NAP1L4: variants seen among roughly 807,000 people sequenced by gnomAD.
NAP1L4 encodes nucleosome assembly protein 1-like 4.
Under a neutral mutation model 58.2 loss-of-function variants are expected in NAP1L4, and 15 were observed. The observed-to-expected ratio is 0.26, with a 90% CI of 0.17 to 0.40. NAP1L4 has a LOEUF of 0.40. Ranked by LOEUF, NAP1L4 falls within the 10% of genes least tolerant of loss-of-function variation. NAP1L4 has a pLI of 1.00. For synonymous variants in NAP1L4, 171 were observed against 155.6 expected, an observed-to-expected ratio of 1.10 and a Z score of -0.74; for missense variants, 384 against 451.1, an observed-to-expected ratio of 0.85 and a Z score of 1.35.
chr11:2,966,442 T>C (rs1205441275), intron 7 of NAP1L4, among the ~76,000 whole-genome samples: 1 of 152,180 alleles, frequency 6.6e-6, no homozygotes, highest in Non-Finnish European at 1.5e-5. Context: ...TATCCTCCCC[T>C]CTCTCTCCCT....
At chr11:2,976,394 T>C (rs1269498347) in intron 3 of NAP1L4, among the ~76,000 whole-genome samples, 4 of 152,226 alleles carry the variant, frequency 2.6e-5, no homozygotes, top group Non-Finnish European at 5.9e-5. Context: ...GGACTGTGGC[T>C]GTTTAAGCAC....
In NAP1L4 at chr11:2,970,662, G is replaced by A. The variant is rs577511012; in HGVS notation, c.403-728C>T. 2.2e-3 allele frequency among the ~76,000 whole-genome samples: 330 copies of A among 152,192 alleles called. 1 individual carries two copies. The highest frequency in any genetic ancestry group is 7.5e-3 in the African/African-American group (311 of 41,510). ...GGAAATTCTGAATGCCTTGCCAAAC[G>A]GGATTGTTATGATGAAATGATCTTG... On this transcript the variant is annotated intron_variant, in intron 6 of 15. Transcript: ENST00000380542.
In NAP1L4 at chr11:2,949,283, T is replaced by G; in HGVS notation, c.1123-19A>C. Reference sequence around the variant, plus strand: ...ATTACACCTAAATGGGGAAAAAAATTGAAAGGAACTGTCAGCATGAAAGAA... The same window carrying G: ...ATTACACCTAAATGGGGAAAAAAATGGAAAGGAACTGTCAGCATGAAAGAA... On this transcript the variant is annotated intron_variant, in intron 14 of 15. Transcript: ENST00000380542. This position sits in a 1 kb window ranked among gnomAD's most constrained non-coding sequence, Gnocchi z 4.0. 3 of 1,579,304 alleles carry G rather than the reference T, an allele frequency of 1.9e-6. No homozygotes were observed. Among genetic ancestry groups the G allele is most frequent in the Non-Finnish European group, 2.6e-6 (3 of 1,148,500 alleles).
chr11:2,967,298 G>C (rs909145331), intron 7 of NAP1L4, among the ~76,000 whole-genome samples: 1 of 152,118 alleles, frequency 6.6e-6, no homozygotes, highest in Non-Finnish European at 1.5e-5. Context: ...AGAAATGGCA[G>C]ACTTCAAAAC....
rs547756414 is a variant in NAP1L4, at chr11:2,975,785, T to C, written c.173+239A>G. Among the ~76,000 whole-genome samples the C allele has an allele frequency of 1.1e-4, 17 of 152,210 alleles. 1 individual carries two copies. The South Asian group carries it at 3.5e-3, about 32-fold the overall frequency. On this transcript the variant is annotated intron_variant, in intron 4 of 15. Transcript: ENST00000380542. Reference sequence around the variant, plus strand: ...TGAAGTCCTCTAGCCCTCCACAGGATGGCACTGTGCACTTCCTATCAGAAC... The same window carrying C: ...TGAAGTCCTCTAGCCCTCCACAGGACGGCACTGTGCACTTCCTATCAGAAC...
chr11:2,988,833 T>G (rs909847115), intron 1 of NAP1L4, among the ~76,000 whole-genome samples: 1 of 152,188 alleles, frequency 6.6e-6, no homozygotes, highest in African/African-American at 2.4e-5. Flanking sequence ...GATCACAAAG[T>G]GATCTTTCGT....
At position 2,959,741 on chromosome 11, in the gene NAP1L4, A is replaced by G. The variant is rs767771729; in HGVS notation, c.746+29T>C. ...AAATTATCTTTTGATTTTGTTTCAGAAAAACAAGGTAGAATGACATTTTCT... is the reference window on the plus strand; with the variant it reads ...AAATTATCTTTTGATTTTGTTTCAGGAAAACAAGGTAGAATGACATTTTCT... On this transcript the variant is annotated intron_variant, in intron 9 of 15. Transcript: ENST00000380542. The surrounding 1 kb of genome is among the most constrained non-coding windows in gnomAD (Gnocchi z 4.9). The G allele has an allele frequency of 2.5e-6, 4 of 1,606,742 alleles. No homozygotes were observed. Among genetic ancestry groups the G allele is most frequent in the Non-Finnish European group, 3.4e-6 (4 of 1,177,044 alleles).
intron 4 of NAP1L4, among the ~76,000 whole-genome samples, chr11:2,974,012 C>T (rs1847803124): frequency 6.6e-6 from 1 of 152,206 alleles, no homozygotes; most frequent in Admixed American, 6.5e-5. Context: ...AAGCAATCTG[C>T]CTGCCTCGGC....
chr11:2,962,545 G>A (rs79560715), intron 8 of NAP1L4, among the ~76,000 whole-genome samples: 2,396 of 152,208 alleles, frequency 0.016, 69 homozygotes, highest in African/African-American at 0.055. Context: ...ATTTTACAAA[G>A]GAAAAAGAGT....
At chr11:2,975,974 T>G in intron 4 of NAP1L4, 50 bp downstream of exon 4, 1 of 1,507,992 alleles carries the variant, frequency 6.6e-7, no homozygotes, top group Non-Finnish European at 9.0e-7. Context: ...TTCCTTTATT[T>G]TCCTTTTGTT....
chr11:2,974,862 A>C (rs1183174538), intron 4 of NAP1L4, among the ~76,000 whole-genome samples: 1 of 152,178 alleles, frequency 6.6e-6, no homozygotes, highest in African/African-American at 2.4e-5. Flanking sequence ...CAGTGAAATA[A>C]ATAAAACTAC....
intron 8 of NAP1L4, among the ~76,000 whole-genome samples, chr11:2,961,560 C>T (rs1032949129): frequency 6.6e-5 from 10 of 151,330 alleles, no homozygotes; most frequent in Middle Eastern, 3.2e-3. Flanking sequence ...AATGGAGAGA[C>T]TGCTATGATT....
intron 4 of NAP1L4, among the ~76,000 whole-genome samples, chr11:2,973,831 CG>C (rs1564985739): frequency 6.6e-6 from 1 of 152,074 alleles, no homozygotes; most frequent in African/African-American, 2.4e-5. Flanking sequence ...TGCACTGGTG[CG>C]ATCTCGGCTC....
chr11:2,969,716 G>A (rs1394548232), intron 7 of NAP1L4, 87 bp downstream of exon 7: 1 of 1,433,822 alleles, frequency 7.0e-7, no homozygotes, highest in Non-Finnish European at 9.3e-7. Flanking sequence ...ATCTTTCAAT[G>A]CCCAGTGTAG....
At position 2,959,527 on chromosome 11, in the gene NAP1L4, T is replaced by C. The variant is rs1384271435; in HGVS notation, c.746+243A>G. Among the ~76,000 whole-genome samples the C allele has an allele frequency of 6.6e-6, 1 of 152,234 alleles. No individual in the cohort carries two copies. Among genetic ancestry groups the C allele is most frequent in the East Asian group, 1.9e-4 (1 of 5,204 alleles). On this transcript the variant is annotated intron_variant, in intron 9 of 15. Transcript: ENST00000380542. The surrounding 1 kb of genome is among the most constrained non-coding windows in gnomAD (Gnocchi z 4.9). ...TCATTAAAATGAAGAAACAGGGCAC[T>C]ATCCCAAAGGCTTGCATGTGCAACC...
chr11:2,976,558 A>G (rs1202549080), intron 3 of NAP1L4, among the ~76,000 whole-genome samples: 1 of 152,170 alleles, frequency 6.6e-6, no homozygotes, highest in East Asian at 1.9e-4. Flanking sequence ...GGTGCCATAG[A>G]CTTCACAGTC....
rs529123050 is a variant in NAP1L4 at position 2,955,662 on chromosome 11, C to G, written c.915+82G>C. 16 of 1,462,628 alleles carry G rather than the reference C, an allele frequency of 1.1e-5. No individual in the cohort carries two copies. In the African/African-American group the frequency reaches 2.1e-4, roughly 19 times the overall value. 90.6% of individuals were successfully genotyped at this position (1,462,628 alleles called of 1,614,324 possible). Reference sequence around the variant, plus strand: ...CAGTCCACACACAGCCAGGACTGGACTTTTTTTAACAAGTAGACAAGTAGA... The same window carrying G: ...CAGTCCACACACAGCCAGGACTGGAGTTTTTTTAACAAGTAGACAAGTAGA... On this transcript the variant is annotated intron_variant, in intron 11 of 15. Coordinates refer to ENST00000380542, the MANE Select transcript of NAP1L4 (RefSeq NM_005969.4). The surrounding 1 kb of genome is among the most constrained non-coding windows in gnomAD (Gnocchi z 4.2).
intron 10 of NAP1L4, among the ~76,000 whole-genome samples, chr11:2,957,479 G>A (rs190517813): frequency 3.3e-5 from 5 of 152,298 alleles, no homozygotes; most frequent in African/African-American, 1.2e-4. Flanking sequence ...GAAGAGATCC[G>A]CCCTGTGGCC....
At position 2,951,630 on chromosome 11, in the gene NAP1L4, G is replaced by A. The variant is rs1846232115; in HGVS notation, c.1065+150C>T. The A allele has an allele frequency of 2.6e-6, 2 of 764,438 alleles. No homozygotes were observed. Among genetic ancestry groups the A allele is most frequent in the Non-Finnish European group, 4.4e-6 (2 of 458,950 alleles). 47.4% of individuals were successfully genotyped at this position (764,438 alleles called of 1,614,324 possible). The stretch of plus-strand genomic sequence containing the variant: ...GTCACAGCATTTGCTATGCATTTCT[G>A]CTTAGTGTTTTAAGAACATTCTTAG... On this transcript the variant is annotated intron_variant, in intron 13 of 15. Coordinates refer to ENST00000380542, the MANE Select transcript of NAP1L4 (RefSeq NM_005969.4). This position sits in a 1 kb window ranked among gnomAD's most constrained non-coding sequence, Gnocchi z 4.0.
Sources: gnomAD v4.1 joint callset for allele counts (sites outside exome capture counted in the v4.1 genomes callset) on GRCh38, gnomAD v4.1.1 for gene constraint, Gnocchi (gnomAD v3.1) non-coding constraint, MANE v1.5 for transcripts, NCBI Gene and HGNC (gene_info 2026-07-23, HGNC 2026-07-21) for gene names.